NYAP2: variants seen among roughly 807,000 people sequenced by gnomAD.
NYAP2 encodes the protein neuronal tyrosine-phosphorylated phosphoinositide-3-kinase adaptor 2.
A neutral mutation model predicts 50.4 loss-of-function variants in NYAP2; 23 were observed. That is an observed-to-expected ratio of 0.46 (90% CI 0.33 to 0.65). NYAP2 has a LOEUF of 0.65. Among genes scored for constraint, NYAP2 ranks in the 30% least tolerant of loss-of-function variants. The probability of loss-of-function intolerance (pLI) is 0.02; values close to 1 mark genes in which losing one functional copy is unlikely to be tolerated. For synonymous variants in NYAP2, 394 were observed against 365.2 expected, an observed-to-expected ratio of 1.08 and a Z score of -0.90; for missense variants, 885 against 861.0, an observed-to-expected ratio of 1.03 and a Z score of -0.35.
chr2:225,566,965 C>T (rs1691972254), intron 4 of NYAP2, among the ~76,000 whole-genome samples: 1 of 151,766 alleles, frequency 6.6e-6, no homozygotes, highest in African/African-American at 2.4e-5. Flanking sequence ...TCATGCATTG[C>T]TTAACAATAA....
intron 3 of NYAP2, among the ~76,000 whole-genome samples, chr2:225,432,285 C>T (rs932066683): frequency 4.6e-5 from 7 of 151,104 alleles, no homozygotes; most frequent in African/African-American, 7.3e-5. Flanking sequence ...CGTGAGCCAC[C>T]GTACCCGGCC....
At chr2:225,448,936 A>G (rs141248772) in intron 3 of NYAP2, among the ~76,000 whole-genome samples, 36 of 152,318 alleles carry the variant, frequency 2.4e-4, no homozygotes, top group African/African-American at 7.9e-4. Context: ...CGATGTGTTT[A>G]TGTTGGGGCA....
intron 3 of NYAP2, among the ~76,000 whole-genome samples, chr2:225,459,967 C>T (rs1689800697): frequency 6.6e-6 from 1 of 152,156 alleles, no homozygotes; most frequent in African/African-American, 2.4e-5. Flanking sequence ...CCACAGCGCC[C>T]AGCCTCTATT....
chr2:225,480,347 A>C (rs1690185469), intron 3 of NYAP2, among the ~76,000 whole-genome samples: 1 of 152,112 alleles, frequency 6.6e-6, no homozygotes, highest in African/African-American at 2.4e-5. Flanking sequence ...TGAAAGTCTG[A>C]TACAAACCAA....
chr2:225,579,129 G>A (rs143298331), intron 4 of NYAP2, among the ~76,000 whole-genome samples: 18 of 151,288 alleles, frequency 1.2e-4, no homozygotes, highest in Non-Finnish European at 2.7e-4. Flanking sequence ...GAACTCTGCT[G>A]TCTCTTCTTA....
chr2:225,688,435 A>C, the NYAP2 span, among the ~76,000 whole-genome samples: 1 of 152,156 alleles, frequency 6.6e-6, no homozygotes, highest in Non-Finnish European at 1.5e-5. Flanking sequence ...CATTTATTGC[A>C]TAATTTTACT....
chr2:225,502,370 G>C (rs902422565), intron 3 of NYAP2, among the ~76,000 whole-genome samples: 1 of 152,144 alleles, frequency 6.6e-6, no homozygotes, highest in South Asian at 2.1e-4. Flanking sequence ...CATAAATTGA[G>C]AAAATGGCCA....
chr2:225,468,579 TAA>T lies in NYAP2; in HGVS notation c.222-44791_222-44790del, dbSNP rs541052272. 1.9e-3 allele frequency among the ~76,000 whole-genome samples: 294 copies of T among 152,252 alleles called. 1 individual carries two copies. Among genetic ancestry groups the T allele is most frequent in the African/African-American group, 6.7e-3 (279 of 41,532 alleles). On this transcript the variant is annotated intron_variant, in intron 3 of 6. Transcript: ENST00000636099. ...TTCTAGGAAGAATTGGCATTCAGATTAAGAGTGTGATTCAATGATAAATGAAG... is the reference window on the plus strand; with the variant it reads ...TTCTAGGAAGAATTGGCATTCAGATTGAGTGTGATTCAATGATAAATGAAG...
At chr2:225,599,459 AC>A (rs1206931385) in intron 5 of NYAP2, among the ~76,000 whole-genome samples, 1 of 152,162 alleles carries the variant, frequency 6.6e-6, no homozygotes, top group East Asian at 1.9e-4. Flanking sequence ...AAGAATTAAA[AC>A]CAGCCTGACA....
exon 7 of NYAP2, chr2:225,651,561 A>G (rs760354625): frequency 6.2e-7 from 1 of 1,613,724 alleles, no homozygotes; most frequent in Non-Finnish European, 8.5e-7. Context: ...GCCAATCGTG[A>G]TTGACTTCCT....
Position 225,409,076 on chromosome 2 carries a change from C to T in NYAP2, c.196C>T (p.Arg66Ter). 1.9e-6 allele frequency: 3 copies of T among 1,606,202 alleles called. No individual in the cohort carries two copies. The highest frequency in any genetic ancestry group is 2.6e-6 in the Non-Finnish European group (3 of 1,175,406). Residue 66 changes from arginine to a stop codon, truncating the protein, a stop_gained, in exon 3 of 7, where the codon CGA (arginine) becomes TGA (stop). Coordinates refer to ENST00000636099, the Ensembl canonical transcript of NYAP2. LOFTEE classifies it high-confidence loss of function. ...TTTGAAAGAGAAGAATGAAAAACGC[C>T]GAAGACAAGAAGAAGCAATAAAGCG... is the stretch of plus-strand genomic sequence containing the variant.
intron 3 of NYAP2, among the ~76,000 whole-genome samples, chr2:225,478,449 G>T (rs1218894110): frequency 3.3e-5 from 5 of 152,154 alleles, no homozygotes; most frequent in Non-Finnish European, 7.3e-5. Context: ...CTCACAGCAG[G>T]TTTAGTAACA....
At chr2:225,587,598 G>GTCTT (rs1692411268) in intron 5 of NYAP2, among the ~76,000 whole-genome samples, 1 of 152,110 alleles carries the variant, frequency 6.6e-6, no homozygotes, top group Non-Finnish European at 1.5e-5. Context: ...GTGTCTTCAG[G>GTCTT]TCTTTGGGTG....
At chr2:225,465,788 C>T (rs1482364809) in intron 3 of NYAP2, among the ~76,000 whole-genome samples, 1 of 152,142 alleles carries the variant, frequency 6.6e-6, no homozygotes, top group East Asian at 1.9e-4. Context: ...GTCAGGTGTC[C>T]CATGACTTAT....
rs140736612 is a variant in NYAP2 at position 225,527,109 on chromosome 2, C to A, written c.523+13437C>A. 8.9e-4 allele frequency among the ~76,000 whole-genome samples: 135 copies of A among 152,272 alleles called. 1 individual carries two copies. The highest frequency in any genetic ancestry group is 3.1e-3 in the African/African-American group (127 of 41,562). On this transcript the variant is annotated intron_variant, in intron 4 of 6. Transcript: ENST00000636099. ...GTTGTCCAGTCCAAAGAATACCCTGCCTTTTTACTGGTCTCACCCAACATC... is the reference window on the plus strand; with the variant it reads ...GTTGTCCAGTCCAAAGAATACCCTGACTTTTTACTGGTCTCACCCAACATC...
downstream of NYAP2, among the ~76,000 whole-genome samples, chr2:225,657,406 A>G (rs1280835140): frequency 1.3e-5 from 2 of 151,904 alleles, no homozygotes; most frequent in Non-Finnish European, 2.9e-5. Context: ...CACTGCGCCC[A>G]GCAGGAAATC....
At chr2:225,400,375 A>G (rs1186120419) in intron 1 of NYAP2, 120 bp downstream of exon 1, 2 of 150,208 alleles carry the variant, frequency 1.3e-5, no homozygotes, top group Non-Finnish European at 1.5e-5. Context: ...GGAGGGAGGG[A>G]GTGGAGGGAG....
At chr2:225,644,596 T>C (rs1354743460) in intron 6 of NYAP2, among the ~76,000 whole-genome samples, 2 of 149,536 alleles carry the variant, frequency 1.3e-5, no homozygotes, top group African/African-American at 2.5e-5. Flanking sequence ...AAGTCTTTAA[T>C]CCATCTTGAA....
chr2:225,519,455 T>A (rs1375795296), intron 4 of NYAP2, among the ~76,000 whole-genome samples: 2 of 125,926 alleles, frequency 1.6e-5, no homozygotes, highest in African/African-American at 3.1e-5. Flanking sequence ...CAGAGTGTGA[T>A]GTTCCCCTTC....
Sources: gnomAD v4.1 joint callset for allele counts (sites outside exome capture counted in the v4.1 genomes callset) on GRCh38, gnomAD v4.1.1 for gene constraint, MANE v1.5 for transcripts, NCBI Gene and HGNC (gene_info 2026-07-23, HGNC 2026-07-21) for gene names.